SULF2: variants seen among roughly 807,000 people sequenced by gnomAD.
SULF2 encodes the protein extracellular sulfatase Sulf-2.
Under a neutral mutation model 107.7 loss-of-function variants are expected in SULF2, and 52 were observed. The ratio of observed to expected loss-of-function variants is 0.48; its 90% confidence interval spans 0.39 to 0.61. The LOEUF is 0.61. Among genes scored for constraint, SULF2 ranks in the 20% least tolerant of loss-of-function variants. The pLI, the probability that SULF2 is intolerant of heterozygous loss-of-function variation, is 0.00. For missense variants in SULF2, 993 were observed against 1,177.3 expected, an observed-to-expected ratio of 0.84 and a Z score of 2.29; for synonymous variants, 460 against 464.3, an observed-to-expected ratio of 0.99 and a Z score of 0.12.
At chr20:47,661,191 C>G (rs929733867) in intron 18 of SULF2, among the ~76,000 whole-genome samples, 2 of 152,108 alleles carry the variant, frequency 1.3e-5, no homozygotes, top group African/African-American at 4.8e-5. Flanking sequence ...GGCTGCACCC[C>G]CTGAGCTGCT....
chr20:47,682,495 C>G (rs367815994), intron 7 of SULF2, among the ~76,000 whole-genome samples: 2 of 152,218 alleles, frequency 1.3e-5, no homozygotes, highest in African/African-American at 4.8e-5. Flanking sequence ...AAGGTTAGCC[C>G]GAGGAGAATG....
At chr20:47,731,918 T>TTG (rs1246884082) in intron 3 of SULF2, among the ~76,000 whole-genome samples, 1 of 152,226 alleles carries the variant, frequency 6.6e-6, no homozygotes, top group African/African-American at 2.4e-5. Context: ...ATTTTGCTGA[T>TTG]TACCAGAGGC....
intron 11 of SULF2, among the ~76,000 whole-genome samples, chr20:47,669,041 C>T (rs369267816): frequency 1.5e-4 from 23 of 152,292 alleles, no homozygotes; most frequent in East Asian, 5.8e-4. Flanking sequence ...CTGCTAGTCC[C>T]GCCACCGCTG....
chr20:47,781,114 C>T (rs906394899), intron 1 of SULF2, among the ~76,000 whole-genome samples: 2 of 152,248 alleles, frequency 1.3e-5, no homozygotes, highest in African/African-American at 2.4e-5. Context: ...CCCGAAAGCA[C>T]AGGATCAAGG....
intron 5 of SULF2, among the ~76,000 whole-genome samples, chr20:47,686,826 GC>G (rs2088020388): frequency 1.3e-5 from 2 of 152,194 alleles, no homozygotes; most frequent in South Asian, 4.1e-4. Context: ...CTGATCTGCA[GC>G]CTCATGCCAC....
At chr20:47,778,267 G>T (rs62202168) in intron 1 of SULF2, among the ~76,000 whole-genome samples, 1 of 152,232 alleles carries the variant, frequency 6.6e-6, no homozygotes, top group African/African-American at 2.4e-5. Context: ...GCTTCCACAT[G>T]GCCAAACACA....
At chr20:47,693,027 G>A (rs536160396) in intron 4 of SULF2, among the ~76,000 whole-genome samples, 15 of 152,262 alleles carry the variant, frequency 9.9e-5, no homozygotes, top group African/African-American at 3.1e-4. Flanking sequence ...GAGAAGCGGA[G>A]AAAGTTACTT....
At chr20:47,743,947 T>C (rs1336931672) in intron 2 of SULF2, among the ~76,000 whole-genome samples, 2 of 152,178 alleles carry the variant, frequency 1.3e-5, no homozygotes, top group East Asian at 3.8e-4. Context: ...TCAGCAAGGC[T>C]TTCTCTGGAC....
At chr20:47,759,765 A>T (rs2090377801) in intron 1 of SULF2, among the ~76,000 whole-genome samples, 1 of 152,110 alleles carries the variant, frequency 6.6e-6, no homozygotes, top group Non-Finnish European at 1.5e-5. Flanking sequence ...AAACGTCATC[A>T]CCTCAGAGAG....
chr20:47,736,097 C>T (rs1490308271), intron 3 of SULF2, among the ~76,000 whole-genome samples: 1 of 152,264 alleles, frequency 6.6e-6, no homozygotes, highest in East Asian at 1.9e-4. Context: ...GCATCTCTAC[C>T]TCAGACAACC....
intron 2 of SULF2, among the ~76,000 whole-genome samples, chr20:47,742,233 C>A (rs1327893904): frequency 6.6e-6 from 1 of 152,214 alleles, no homozygotes; most frequent in African/African-American, 2.4e-5. Context: ...CCAGCCCCAG[C>A]CCTAATGCAG....
intron 3 of SULF2, among the ~76,000 whole-genome samples, chr20:47,717,883 G>A (rs1020266149): frequency 4.0e-5 from 6 of 149,174 alleles, no homozygotes; most frequent in Non-Finnish European, 5.9e-5. Context: ...CTGCGATCTC[G>A]GCTCACTGCA....
At chr20:47,730,896 C>T (rs991724818) in intron 3 of SULF2, among the ~76,000 whole-genome samples, 2 of 152,180 alleles carry the variant, frequency 1.3e-5, no homozygotes, top group African/African-American at 4.8e-5. Flanking sequence ...GGGACTCAGC[C>T]AGCTGCTGCA....
chr20:47,741,799 C>T lies in SULF2; in HGVS notation c.176-4857G>A, dbSNP rs182583682. 1.9e-3 allele frequency among the ~76,000 whole-genome samples: 289 copies of T among 152,316 alleles called. 1 individual carries two copies. Among genetic ancestry groups the T allele is most frequent in the African/African-American group, 6.4e-3 (267 of 41,562 alleles). Reference sequence around the variant, plus strand: ...CTGGCCACCCACCTAACTGGTCAGACCCTTCTCCTGGAAGGGAACGCAGGG... The same window carrying T: ...CTGGCCACCCACCTAACTGGTCAGATCCTTCTCCTGGAAGGGAACGCAGGG... On this transcript the variant is annotated intron_variant, in intron 2 of 20. Coordinates refer to ENST00000688720, the MANE Select transcript of SULF2 (RefSeq NM_001387048.1).
intron 3 of SULF2, among the ~76,000 whole-genome samples, chr20:47,703,525 G>A (rs1204131681): frequency 6.6e-6 from 1 of 152,214 alleles, no homozygotes; most frequent in African/African-American, 2.4e-5. Flanking sequence ...TAGTATGGGT[G>A]GGGATGTGGG....
chr20:47,715,093 A>ATTTTTTTTT (rs869126418), intron 3 of SULF2, among the ~76,000 whole-genome samples: 1 of 128,988 alleles, frequency 7.8e-6, no homozygotes, highest in Non-Finnish European at 1.7e-5. Context: ...TAACTTTTGT[A>ATTTTTTTTT]TTTTTTTTTT....
At chr20:47,776,012 C>T (rs751640019) in intron 1 of SULF2, among the ~76,000 whole-genome samples, 4 of 152,044 alleles carry the variant, frequency 2.6e-5, no homozygotes, top group Admixed American at 6.6e-5. Flanking sequence ...GTGAAGTGGA[C>T]GCATAAGAAA....
At chr20:47,682,432 T>C (rs1253709821) in intron 7 of SULF2, among the ~76,000 whole-genome samples, 4 of 152,238 alleles carry the variant, frequency 2.6e-5, no homozygotes, top group African/African-American at 9.6e-5. Flanking sequence ...CAGTGGCCTG[T>C]CCGCTCCCCT....
intron 2 of SULF2, among the ~76,000 whole-genome samples, chr20:47,755,551 A>T (rs927598285): frequency 1.8e-4 from 28 of 152,014 alleles, no homozygotes; most frequent in Non-Finnish European, 4.4e-5. Context: ...TAACCCACAT[A>T]CCTAACCCAT....
Sources: allele counts gnomAD v4.1 joint callset (sites outside exome capture counted in the v4.1 genomes callset), GRCh38; gene constraint gnomAD v4.1.1; transcripts MANE v1.5; gene names NCBI Gene and HGNC (gene_info 2026-07-23, HGNC 2026-07-21).